The following TRPM3 variants were observed in gnomAD, a reference collection of about 807,000 sequenced individuals.
TRPM3 encodes long transient receptor potential channel 3.
In TRPM3, 77 loss-of-function variants were observed where a neutral mutation model predicts 181.2. The ratio of observed to expected loss-of-function variants is 0.42; its 90% confidence interval spans 0.35 to 0.51. TRPM3 has a LOEUF of 0.51. Among genes scored for constraint, TRPM3 ranks in the 20% least tolerant of loss-of-function variants. The pLI is 0.01. For synonymous variants in TRPM3, 745 were observed against 796.4 expected (o/e 0.94, Z 1.09); for missense variants, 1,759 against 2,196.7 (o/e 0.80, Z 3.98).
At chr9:71,059,041 T>TTTC (rs34384966) in intron 1 of TRPM3, among the ~76,000 whole-genome samples, 1 of 146,480 alleles carries the variant, frequency 6.8e-6, no homozygotes, top group African/African-American at 2.5e-5. Flanking sequence ...TTTTTTTTTT[T>TTTC]ACCAGTCACT....
chr9:71,122,002 T>C (rs1378161715), upstream of TRPM3, among the ~76,000 whole-genome samples: 1 of 152,246 alleles, frequency 6.6e-6, no homozygotes, highest in Non-Finnish European at 1.5e-5. Flanking sequence ...ATCGGTTGCA[T>C]AGATGACAGA....
intron 21 of TRPM3, among the ~76,000 whole-genome samples, chr9:70,596,711 T>A (rs1255089537): frequency 1.4e-3 from 72 of 51,160 alleles, no homozygotes; most frequent in African/African-American, 5.0e-3. Context: ...TAAAACACTG[T>A]CAAAAAAAAA....
At chr9:70,747,491 A>T (rs1038415852) in intron 8 of TRPM3, among the ~76,000 whole-genome samples, 1 of 152,170 alleles carries the variant, frequency 6.6e-6, no homozygotes, top group African/African-American at 2.4e-5. Flanking sequence ...CAGGCAAAAC[A>T]TTCTACTTTA....
chr9:70,619,110 G>A lies in TRPM3; in HGVS notation c.2130-15C>T. Reference sequence around the variant, plus strand: ...GGCCAAAGTCTCTGAAAGACAGAATGGGTGGAAGAGTCCTTCAGGTCAGCT... The same window carrying A: ...GGCCAAAGTCTCTGAAAGACAGAATAGGTGGAAGAGTCCTTCAGGTCAGCT... On this transcript the variant is annotated splice_polypyrimidine_tract_variant and intron_variant, in intron 16 of 25. Transcript: ENST00000677713. The A allele has an allele frequency of 6.2e-7, 1 of 1,605,258 alleles. No homozygotes were observed. Among genetic ancestry groups the A allele is most frequent in the Non-Finnish European group, 8.5e-7 (1 of 1,174,750 alleles).
intron 1 of TRPM3, among the ~76,000 whole-genome samples, chr9:71,029,601 C>T (rs1253392426): frequency 1.3e-5 from 2 of 152,058 alleles, no homozygotes; most frequent in African/African-American, 4.8e-5. Context: ...AATGTATAGA[C>T]AATCTAAGCT....
intron 1 of TRPM3, among the ~76,000 whole-genome samples, chr9:71,159,095 T>G (rs2076146713): frequency 9.6e-6 from 1 of 103,786 alleles, no homozygotes; most frequent in Non-Finnish European, 1.9e-5. Flanking sequence ...CTATATTATA[T>G]ATATATATTT....
intron 7 of TRPM3, among the ~76,000 whole-genome samples, chr9:70,766,372 C>T (rs902521200): frequency 6.6e-6 from 1 of 152,082 alleles, no homozygotes; most frequent in African/African-American, 2.4e-5. Context: ...TTAGGAAATG[C>T]ATTTAGAATT....
chr9:71,418,683 A>T (rs760530996), intron 1 of TRPM3, among the ~76,000 whole-genome samples: 40 of 151,178 alleles, frequency 2.6e-4, no homozygotes, highest in Non-Finnish European at 4.9e-4. Flanking sequence ...TCAACTGAGG[A>T]TGCCCCTTTG....
intron 25 of TRPM3, among the ~76,000 whole-genome samples, chr9:70,543,980 T>A (rs10780945): frequency 0.49 from 73,849 of 151,998 alleles, 18,503 homozygotes; most frequent in East Asian, 0.82. Flanking sequence ...GTCCAAAGAC[T>A]TATTCAGGAT....
intron 1 of TRPM3, among the ~76,000 whole-genome samples, chr9:71,224,248 A>G (rs2080437132): frequency 6.6e-6 from 1 of 152,256 alleles, no homozygotes; most frequent in South Asian, 2.1e-4. Context: ...AAGAATCTGC[A>G]TCTGGTAATC....
intron 15 of TRPM3, among the ~76,000 whole-genome samples, chr9:70,620,713 A>G (rs2063492975): frequency 6.6e-6 from 1 of 152,146 alleles, no homozygotes; most frequent in Non-Finnish European, 1.5e-5. Context: ...CTGAAAGGAT[A>G]AGGACATCCT....
chr9:70,831,134 A>C (rs2131746805), intron 5 of TRPM3, among the ~76,000 whole-genome samples: 1 of 152,302 alleles, frequency 6.6e-6, no homozygotes, highest in South Asian at 2.1e-4. Context: ...CTTCCCAAAT[A>C]CCTCAAAGGA....
intron 1 of TRPM3, among the ~76,000 whole-genome samples, chr9:71,272,225 A>C (rs537938704): frequency 6.6e-6 from 1 of 152,228 alleles, no homozygotes; most frequent in Non-Finnish European, 1.5e-5. Context: ...CTAAGACATC[A>C]AGAAAATAGA....
chr9:71,310,744 T>C (rs1481095430), intron 1 of TRPM3, among the ~76,000 whole-genome samples: 1 of 152,110 alleles, frequency 6.6e-6, no homozygotes, highest in Non-Finnish European at 1.5e-5. Context: ...TCAGTCTCAG[T>C]ATCACCTCGA....
chr9:71,382,957 T>C (rs1373656824), intron 1 of TRPM3, among the ~76,000 whole-genome samples: 1 of 152,210 alleles, frequency 6.6e-6, no homozygotes, highest in Non-Finnish European at 1.5e-5. Context: ...AAAATGGGAC[T>C]ATATTCTTTA....
chr9:70,566,771 C>G (rs1438556110), intron 22 of TRPM3, among the ~76,000 whole-genome samples: 3 of 152,162 alleles, frequency 2.0e-5, no homozygotes, highest in Non-Finnish European at 4.4e-5. Context: ...GCAACAGTGA[C>G]TCTCAGACTC....
chr9:70,843,153 TTTTTC>T, intron 4 of TRPM3, 26 bp from the exon 5 acceptor site: 4 of 1,594,490 alleles, frequency 2.5e-6, no homozygotes, highest in Non-Finnish European at 3.4e-6. Flanking sequence ...AAGCATTGAT[TTTTTC>T]TTTTAAAGCA....
chr9:71,264,764 A>T (rs1014101901), intron 1 of TRPM3, among the ~76,000 whole-genome samples: 1 of 152,110 alleles, frequency 6.6e-6, no homozygotes, highest in Non-Finnish European at 1.5e-5. Context: ...CCAACTGCAC[A>T]TGGGTCCAGC....
chr9:71,012,075 T>C (rs1050173112), intron 1 of TRPM3, among the ~76,000 whole-genome samples: 3 of 152,094 alleles, frequency 2.0e-5, no homozygotes, highest in Admixed American at 6.5e-5. Flanking sequence ...GAGCCACTGC[T>C]GCTGGCCTAT....
Sources: allele counts gnomAD v4.1 joint callset (sites outside exome capture counted in the v4.1 genomes callset), GRCh38; gene constraint gnomAD v4.1.1; transcripts MANE v1.5; gene names NCBI Gene and HGNC (gene_info 2026-07-23, HGNC 2026-07-21).